GALNT10: variants seen among roughly 807,000 people sequenced by gnomAD.
GALNT10 encodes the protein GalNAc transferase 10.
GALNT10 carries 41 observed loss-of-function variants against 75.0 expected under a neutral mutation model. The ratio of observed to expected loss-of-function variants is 0.55; its 90% CI spans 0.43 to 0.71. GALNT10 has a LOEUF of 0.71. Among genes scored for constraint, GALNT10 ranks in the 30% least tolerant of loss-of-function variants. The pLI, the probability that GALNT10 is intolerant of heterozygous loss-of-function variation, is 0.00. For missense variants in GALNT10, 727 were observed against 818.5 expected, an observed-to-expected ratio of 0.89 and a Z score of 1.36; for synonymous variants, 302 against 313.0, an observed-to-expected ratio of 0.96 and a Z score of 0.37.
chr5:154,337,399 T>G (rs1263598436), intron 4 of GALNT10: 1 of 590,436 alleles, frequency 1.7e-6, no homozygotes, highest in East Asian at 3.5e-5. Context: ...AAATCTGATA[T>G]AACCTGTAGC....
chr5:154,194,026 C>T (rs1247010987), intron 1 of GALNT10, among the ~76,000 whole-genome samples: 1 of 152,230 alleles, frequency 6.6e-6, no homozygotes, highest in African/African-American at 2.4e-5. Flanking sequence ...AAGCCCCAAT[C>T]TGTTTAACAT....
In GALNT10 at chr5:154,409,367, C is replaced by T. The variant is rs1756346608; in HGVS notation, c.1165-174C>T. ...ACTATAAGCTGTGAAGCCCTTAAAA[C>T]ATGCATAATGATAAATAGAAACACA... On this transcript the variant is annotated intron_variant, in intron 8 of 11. Transcript: ENST00000297107. The surrounding 1 kb of genome is among the most constrained non-coding windows in gnomAD (Gnocchi z 4.5). 8 of 673,324 alleles carry T rather than the reference C, an allele frequency of 1.2e-5. No homozygotes were observed. The South Asian group carries it at 1.4e-4, about 12-fold the overall frequency. 41.7% of individuals were successfully genotyped at this position (673,324 alleles called of 1,614,324 possible).
At position 154,325,238 on chromosome 5, in the gene GALNT10, T is replaced by TTA. The variant is rs564431405; in HGVS notation, c.402-4326_402-4325dup. 3.0e-3 allele frequency among the ~76,000 whole-genome samples: 462 copies of TTA among 152,320 alleles called. 3 individuals are homozygous for TTA. Among genetic ancestry groups the TTA allele is most frequent in the African/African-American group, 0.011 (446 of 41,574 alleles). On this transcript the variant is annotated intron_variant, in intron 3 of 11. Transcript: ENST00000297107. ...TAAAAATTTGACTGTAGATTCCTAG[T>TTA]TATATATATGCTAGAGACAAATATC...
intron 7 of GALNT10, among the ~76,000 whole-genome samples, chr5:154,396,734 T>C (rs1406752137): frequency 2.0e-5 from 3 of 152,200 alleles, no homozygotes; most frequent in Non-Finnish European, 4.4e-5. Flanking sequence ...CTCGCCCTTG[T>C]TGGGGAAGTA....
intron 4 of GALNT10, among the ~76,000 whole-genome samples, chr5:154,366,496 C>T (rs1480380245): frequency 1.3e-5 from 2 of 152,046 alleles, no homozygotes; most frequent in African/African-American, 2.4e-5. Flanking sequence ...GTGAGTCAGC[C>T]GGATGTTGGA....
At position 154,409,380 on chromosome 5, in the gene GALNT10, A is replaced by C. The variant is rs1756346803; in HGVS notation, c.1165-161A>C. 6 of 695,552 alleles carry C rather than the reference A, an allele frequency of 8.6e-6. No individual in the cohort carries two copies. The highest frequency in any genetic ancestry group is 2.6e-6 in the Non-Finnish European group (1 of 383,292). The allele number at this position is 695,552 out of a possible 1,614,324, so 43.1% of individuals were successfully genotyped here. A position where few individuals can be genotyped will look rare whatever the true frequency, so the allele number is the denominator to read the frequency against. ...AAGCCCTTAAAACATGCATAATGAT[A>C]AATAGAAACACAGAAGGCCTAAACT... On this transcript the variant is annotated intron_variant, in intron 8 of 11. Coordinates refer to ENST00000297107, the MANE Select transcript of GALNT10 (RefSeq NM_198321.4). The surrounding 1 kb of genome is among the most constrained non-coding windows in gnomAD (Gnocchi z 4.5).
At chr5:154,370,892 A>G (rs1053132282) in intron 4 of GALNT10, among the ~76,000 whole-genome samples, 2 of 152,230 alleles carry the variant, frequency 1.3e-5, no homozygotes, top group African/African-American at 4.8e-5. Flanking sequence ...GACCAGGCTC[A>G]GCAGAGGCTG....
intron 3 of GALNT10, among the ~76,000 whole-genome samples, chr5:154,301,968 C>T (rs1561655111): frequency 6.6e-6 from 1 of 152,218 alleles, no homozygotes; most frequent in Non-Finnish European, 1.5e-5. Context: ...ACTGCCAGCG[C>T]TCCTGACACC....
intron 7 of GALNT10, chr5:154,392,674 A>T (rs1755927410): frequency 6.6e-6 from 1 of 152,504 alleles, no homozygotes; most frequent in African/African-American, 2.4e-5. Context: ...GCAGAAAGGA[A>T]ACTGCACAGT....
At chr5:154,267,751 C>T (rs899256340) in intron 1 of GALNT10, among the ~76,000 whole-genome samples, 1 of 152,106 alleles carries the variant, frequency 6.6e-6, no homozygotes, top group Non-Finnish European at 1.5e-5. Flanking sequence ...ATGTGATTTT[C>T]CCAGATTTCC....
At chr5:154,200,254 A>G (rs1021391179) in intron 1 of GALNT10, among the ~76,000 whole-genome samples, 1 of 152,144 alleles carries the variant, frequency 6.6e-6, no homozygotes, top group Non-Finnish European at 1.5e-5. Flanking sequence ...TGCCGCCTGG[A>G]TGCTGCACTC....
chr5:154,379,227 A>G (rs1333830952), intron 5 of GALNT10, among the ~76,000 whole-genome samples: 1 of 152,212 alleles, frequency 6.6e-6, no homozygotes, highest in Non-Finnish European at 1.5e-5. Context: ...TGACTGAAAC[A>G]TGTTCCTGAA....
rs952352426 is a variant in GALNT10, at chr5:154,386,320, G to A, written c.946G>A (p.Val316Met). 4.3e-6 allele frequency: 7 copies of A among 1,613,208 alleles called. No individual in the cohort carries two copies. The highest frequency in any genetic ancestry group is 2.2e-5 in the South Asian group (2 of 91,040). ...ADPSDPFESPVMAGGLFAVDR... is the reference protein window; with the variant it reads ...ADPSDPFESPMMAGGLFAVDR... ...GTTCTTCTTCTCTGACAGGTCTCCC[G>A]TGATGGCCGGTGGACTGTTCGCCGT... The change falls in exon 7 of 12, where the codon GTG (valine) becomes ATG (methionine). Residue 316 changes from valine (V) to methionine (M), a missense_variant. Transcript: ENST00000297107.
chr5:154,403,970 T>A, intron 7 of GALNT10, 134 bp from the exon 8 acceptor site: 1 of 751,896 alleles, frequency 1.3e-6, no homozygotes, highest in Non-Finnish European at 2.4e-6. Flanking sequence ...TCCCATGTCA[T>A]TAGGTCTGTG....
intron 4 of GALNT10, among the ~76,000 whole-genome samples, chr5:154,369,357 C>T (rs530795888): frequency 3.7e-4 from 57 of 152,252 alleles, no homozygotes; most frequent in Non-Finnish European, 6.9e-4. Context: ...CACTACACTC[C>T]AGCCTGGGTG....
chr5:154,316,730 C>T (rs768559406), intron 3 of GALNT10, among the ~76,000 whole-genome samples: 3 of 152,142 alleles, frequency 2.0e-5, no homozygotes, highest in East Asian at 1.9e-4. Flanking sequence ...CTCAGTATTA[C>T]GTTTCTTGAA....
chr5:154,306,770 G>A (rs1191223736), intron 3 of GALNT10, among the ~76,000 whole-genome samples: 1 of 151,842 alleles, frequency 6.6e-6, no homozygotes, highest in Non-Finnish European at 1.5e-5. Flanking sequence ...AATTTAAAAA[G>A]CCACAATTAT....
intron 1 of GALNT10, among the ~76,000 whole-genome samples, chr5:154,225,369 A>G (rs1753046217): frequency 6.7e-6 from 1 of 150,104 alleles, no homozygotes; most frequent in Non-Finnish European, 1.5e-5. Flanking sequence ...TGGGGATTAC[A>G]GGCGTGAGCC....
intron 1 of GALNT10, among the ~76,000 whole-genome samples, chr5:154,248,775 T>C (rs912338469): frequency 6.6e-6 from 1 of 152,244 alleles, no homozygotes; most frequent in Non-Finnish European, 1.5e-5. Flanking sequence ...CTGGATTCAT[T>C]AACTGCTGCG....
Sources: gnomAD v4.1 joint callset for allele counts (sites outside exome capture counted in the v4.1 genomes callset) on GRCh38, gnomAD v4.1.1 for gene constraint, Gnocchi (gnomAD v3.1) non-coding constraint, MANE v1.5 for transcripts, NCBI Gene and HGNC (gene_info 2026-07-23, HGNC 2026-07-21) for gene names.